The following SYT5 variants were observed in gnomAD, a reference collection of about 807,000 sequenced individuals.
The protein encoded by SYT5 is synaptotagmin 5.
Under a neutral mutation model 36.0 loss-of-function variants are expected in SYT5, and 29 were observed. The observed-to-expected ratio is 0.81, with a 90% CI of 0.60 to 1.10. SYT5 has a LOEUF of 1.10. SYT5 is among the 50% of genes least tolerant of loss of function. SYT5 has a pLI of 0.00. For synonymous variants in SYT5, 231 were observed against 227.6 expected, an observed-to-expected ratio of 1.02 and a Z score of -0.14; for missense variants, 512 against 516.0, an observed-to-expected ratio of 0.99 and a Z score of 0.08.
Position 55,175,349 on chromosome 19 carries a change from A to T in SYT5, c.541-10T>A. The T allele has an allele frequency of 6.6e-7, 1 of 1,522,572 alleles. No homozygotes were observed. Among genetic ancestry groups the T allele is most frequent in the Non-Finnish European group, 8.8e-7 (1 of 1,139,172 alleles). 94.3% of individuals were successfully genotyped at this position (1,522,572 alleles called of 1,614,324 possible). On this transcript the variant is annotated splice_polypyrimidine_tract_variant and intron_variant, in intron 5 of 8. Transcript: ENST00000354308. The surrounding 1 kb of genome is among the most constrained non-coding windows in gnomAD (Gnocchi z 4.5). ...GCTCCACGTAGGGGACCTGGAGTGC[A>T]CAGAGAATCCGCAGTAGAGAGCAGG...
chr19:55,179,236 C>A lies in SYT5; in HGVS notation c.-45-150G>T, dbSNP rs1482030805. 4 of 1,494,264 alleles carry A rather than the reference C, an allele frequency of 2.7e-6. No homozygotes were observed. The South Asian group carries it at 3.9e-5, about 15-fold the overall frequency. 92.6% of individuals were successfully genotyped at this position (1,494,264 alleles called of 1,614,324 possible). ...GAGTTGTAGTATCAGCCTCCCCGCA[C>A]TTGAGAGGGGGTGTCCAGGACCTAG... On this transcript the variant is annotated intron_variant, in intron 1 of 8. Coordinates refer to ENST00000354308, the MANE Select transcript of SYT5 (RefSeq NM_003180.3). The surrounding 1 kb of genome is among the most constrained non-coding windows in gnomAD (Gnocchi z 4.5).
At position 55,179,429 on chromosome 19, in the gene SYT5, G is replaced by A. The variant is rs902389416; in HGVS notation, c.-45-343C>T. On this transcript the variant is annotated intron_variant, in intron 1 of 8. Transcript: ENST00000354308. The surrounding 1 kb of genome is among the most constrained non-coding windows in gnomAD (Gnocchi z 4.5). ...CAACAGCCGGGCTCCTCTCAAGCGG[G>A]GTGAGAGCAAAGCTGGTTGCCCGGG... 2.7e-5 allele frequency: 12 copies of A among 445,198 alleles called. No homozygotes were observed. The South Asian group carries it at 5.5e-4, about 20-fold the overall frequency. The allele number at this position is 445,198 out of a possible 1,614,324, so 27.6% of individuals were successfully genotyped here.
Position 55,175,801 on chromosome 19 carries a change from C to T in SYT5, c.448G>A (p.Val150Ile). The T allele has an allele frequency of 6.2e-7, 1 of 1,614,162 alleles. No individual in the cohort carries two copies. Among genetic ancestry groups the T allele is most frequent in the Non-Finnish European group, 8.5e-7 (1 of 1,180,026 alleles). ...CTCCGTTTGTCCGGCAGCAGGTAGA[C>T]CCGCACATAGGGGTCCGAGGAGCCA... is the stretch of plus-strand genomic sequence containing the variant. ...LGGSSDPYVR[V>I]YLLPDKRRRY... Residue 150 changes from valine (V) to isoleucine (I), a missense_variant, in exon 5 of 9, where the codon GTC becomes ATC. By Grantham distance (29) the Val-to-Ile change is conservative. Coordinates refer to ENST00000354308, the MANE Select transcript of SYT5 (RefSeq NM_003180.3). This position sits in a 1 kb window ranked among gnomAD's most constrained non-coding sequence, Gnocchi z 4.5.
chr19:55,173,332 GACAGGAA>G lies in SYT5; in HGVS notation c.*145_*151del. 1 of 571,202 alleles carries G rather than the reference GACAGGAA, an allele frequency of 1.8e-6. No individual in the cohort carries two copies. Among genetic ancestry groups the G allele is most frequent in the Non-Finnish European group, 2.7e-6 (1 of 376,854 alleles). 35.4% of individuals were successfully genotyped at this position (571,202 alleles called of 1,614,324 possible). ...TGATTGGCATCGTTGGGGGTGAGAA[GACAGGAA>G]TGGTTCAGATGGTTGGGGTGGAAGG... is the stretch of plus-strand genomic sequence containing the variant. On this transcript the variant is annotated 3_prime_UTR_variant, in exon 9 of 9. Transcript: ENST00000354308. This position sits in a 1 kb window ranked among gnomAD's most constrained non-coding sequence, Gnocchi z 5.4.
rs2086024333 is a variant in SYT5 at position 55,173,279 on chromosome 19, G to T, written c.*205C>A. 2 of 442,176 alleles carry T rather than the reference G, an allele frequency of 4.5e-6. No individual in the cohort carries two copies. The highest frequency in any genetic ancestry group is 4.1e-5 in the African/African-American group (2 of 49,058). 27.4% of individuals were successfully genotyped at this position (442,176 alleles called of 1,614,324 possible). On this transcript the variant is annotated 3_prime_UTR_variant, in exon 9 of 9. Coordinates refer to ENST00000354308, the MANE Select transcript of SYT5 (RefSeq NM_003180.3). This position sits in a 1 kb window ranked among gnomAD's most constrained non-coding sequence, Gnocchi z 5.4. ...GGGGCATCTGGGTGTGTCCGCGAGG[G>T]TCGGGGGAGTGTGCTGGAAAGTTGT...
chr19:55,178,133 T>TGG (rs2086097347), intron 3 of SYT5, 63 bp downstream of exon 3: 1 of 1,547,314 alleles, frequency 6.5e-7, no homozygotes, highest in African/African-American at 1.4e-5. Flanking sequence ...TGGGACCAGC[T>TGG]GGGCCATTGA....
Position 55,173,633 on chromosome 19 carries a change from C to A in SYT5, c.1012G>T (p.Glu338Ter). Residue 338 changes from glutamate (E) to a stop codon, truncating the protein, a stop_gained, in exon 9 of 9, where the codon GAG becomes TAG. Coordinates refer to ENST00000354308, the MANE Select transcript of SYT5 (RefSeq NM_003180.3). LOFTEE classifies it low-confidence loss of function (END_TRUNC). This position sits in a 1 kb window ranked among gnomAD's most constrained non-coding sequence, Gnocchi z 5.4. ...VLDYDKLGKN[E>*]AIGRVAVGAA... is the part of the protein sequence containing the mutation. ...CCCACGGCCACCCTCCCGATGGCCT[C>A]GTTCTTGCCCAGCTTGTCGTAGTCC... is the stretch of plus-strand genomic sequence containing the variant. The A allele has an allele frequency of 6.7e-7, 1 of 1,490,388 alleles. No homozygotes were observed. Among genetic ancestry groups the A allele is most frequent in the Non-Finnish European group, 8.9e-7 (1 of 1,121,138 alleles). 92.3% of individuals were successfully genotyped at this position (1,490,388 alleles called of 1,614,324 possible).
intron 3 of SYT5, 34 bp downstream of exon 3, chr19:55,178,162 A>C: frequency 6.3e-7 from 1 of 1,597,532 alleles, no homozygotes; most frequent in Admixed American, 1.7e-5. Context: ...GGGTGCGGGA[A>C]GGGGCCAGGT....
At chr19:55,178,031 T>C (rs2086095922) in intron 3 of SYT5, among the ~76,000 whole-genome samples, 165 bp downstream of exon 3, 1 of 152,200 alleles carries the variant, frequency 6.6e-6, no homozygotes, top group South Asian at 2.1e-4. Context: ...TTCTGTTCCA[T>C]CTCTGGGTCC....
Position 55,179,091 on chromosome 19 carries a change from T to A in SYT5, c.-45-5A>T, listed in dbSNP as rs900112884. Reference sequence around the variant, plus strand: ...CTGCAGAGACACTCAAGCACCCTAGTCCCCCATTCCCACCCCAGACGTCCT... The same window carrying A: ...CTGCAGAGACACTCAAGCACCCTAGACCCCCATTCCCACCCCAGACGTCCT... On this transcript the variant is annotated splice_polypyrimidine_tract_variant and splice_region_variant and intron_variant, in intron 1 of 8. Transcript: ENST00000354308. This position sits in a 1 kb window ranked among gnomAD's most constrained non-coding sequence, Gnocchi z 4.5. 6.4e-7 allele frequency: 1 copy of A among 1,564,504 alleles called. No homozygotes were observed. The highest frequency in any genetic ancestry group is 8.6e-7 in the Non-Finnish European group (1 of 1,157,046).
At chr19:55,174,226 G>C (rs558679485) in intron 8 of SYT5, among the ~76,000 whole-genome samples, 3 of 145,728 alleles carry the variant, frequency 2.1e-5, no homozygotes, top group African/African-American at 7.9e-5. Context: ...TCCTGGTTCC[G>C]CTTGGTGGGG....
In SYT5 at chr19:55,175,858, G is replaced by A; in HGVS notation, c.391C>T (p.Gln131Ter). The change falls in exon 5 of 9, where the codon CAA becomes TAA. Residue 131 changes from glutamine (Q) to a stop codon, truncating the protein, a stop_gained. Coordinates refer to ENST00000354308, the MANE Select transcript of SYT5 (RefSeq NM_003180.3). LOFTEE classifies it high-confidence loss of function. The surrounding 1 kb of genome is among the most constrained non-coding windows in gnomAD (Gnocchi z 4.5). ...TCCAAGGCTGCCAATCCCATTGCTT[G>A]CAGAATGCCCACCAGCAGCTGCAGG... is the stretch of plus-strand genomic sequence containing the variant. ...QSGQLLVGILQAMGLAALDLG... is the reference protein window; with the variant it reads ...QSGQLLVGIL 1.2e-6 allele frequency: 2 copies of A among 1,614,174 alleles called. No individual in the cohort carries two copies. The highest frequency in any genetic ancestry group is 1.7e-6 in the Non-Finnish European group (2 of 1,180,022).
At position 55,173,325 on chromosome 19, in the gene SYT5, G is replaced by T; in HGVS notation, c.*159C>A. ...GTTGTCGTGATTGGCATCGTTGGGG[G>T]TGAGAAGACAGGAATGGTTCAGATG... On this transcript the variant is annotated 3_prime_UTR_variant, in exon 9 of 9. Transcript: ENST00000354308. The surrounding 1 kb of genome is among the most constrained non-coding windows in gnomAD (Gnocchi z 5.4). 2 of 537,014 alleles carry T rather than the reference G, an allele frequency of 3.7e-6. No homozygotes were observed. Among genetic ancestry groups the T allele is most frequent in the Non-Finnish European group, 5.8e-6 (2 of 347,036 alleles). 33.3% of individuals were successfully genotyped at this position (537,014 alleles called of 1,614,324 possible).
intron 7 of SYT5, 106 bp from the exon 8 acceptor site, chr19:55,174,756 T>C: frequency 6.3e-7 from 1 of 1,578,170 alleles, no homozygotes; most frequent in Non-Finnish European, 8.7e-7. Context: ...TATGCCAAAA[T>C]CCATGCCTTC....
intron 2 of SYT5, among the ~76,000 whole-genome samples, chr19:55,178,648 G>A (rs79124458): frequency 6.6e-6 from 1 of 150,720 alleles, no homozygotes; most frequent in South Asian, 2.1e-4. Flanking sequence ...TTTACAAGAA[G>A]CCCTGCTCCT....
rs969759165 is a variant in SYT5, at chr19:55,173,917, C to T, written c.961-233G>A. 2.4e-6 allele frequency: 1 copy of T among 424,782 alleles called. No individual in the cohort carries two copies. 26.3% of individuals were successfully genotyped at this position (424,782 alleles called of 1,614,324 possible). A position where few individuals can be genotyped will look rare whatever the true frequency, so the allele number is the denominator to read the frequency against. On this transcript the variant is annotated intron_variant, in intron 8 of 8. Coordinates refer to ENST00000354308, the MANE Select transcript of SYT5 (RefSeq NM_003180.3). This position sits in a 1 kb window ranked among gnomAD's most constrained non-coding sequence, Gnocchi z 5.4. ...CCAGGTTTCTAAGGAAATGAACCCT[C>T]AGGACTCGGTTGCGGAGCGGGTGTG...
At position 55,175,608 on chromosome 19, in the gene SYT5, G is replaced by A; in HGVS notation, c.540+101C>T. 6.8e-7 allele frequency: 1 copy of A among 1,470,736 alleles called. No individual in the cohort carries two copies. 91.1% of individuals were successfully genotyped at this position (1,470,736 alleles called of 1,614,324 possible). A position where few individuals can be genotyped will look rare whatever the true frequency, so the allele number is the denominator to read the frequency against. On this transcript the variant is annotated intron_variant, in intron 5 of 8. Coordinates refer to ENST00000354308, the MANE Select transcript of SYT5 (RefSeq NM_003180.3). This position sits in a 1 kb window ranked among gnomAD's most constrained non-coding sequence, Gnocchi z 4.5. ...GCCCCAGAGCTGGTAGCTGCCACCT[G>A]AGCTGTGGCCGCCTCCAGGAAAAGC...
Position 55,173,811 on chromosome 19 carries a change from C to G in SYT5, c.961-127G>C. On this transcript the variant is annotated intron_variant, in intron 8 of 8. Coordinates refer to ENST00000354308, the MANE Select transcript of SYT5 (RefSeq NM_003180.3). This position sits in a 1 kb window ranked among gnomAD's most constrained non-coding sequence, Gnocchi z 5.4. ...CCCGAGGGCTCGGGGCCCCGGAGCT[C>G]GGGACGGGGGAGGGGGTGGGAGACG... The G allele has an allele frequency of 1.0e-6, 1 of 992,648 alleles. No homozygotes were observed. Among genetic ancestry groups the G allele is most frequent in the Non-Finnish European group, 1.3e-6 (1 of 749,668 alleles). 61.5% of individuals were successfully genotyped at this position (992,648 alleles called of 1,614,324 possible).
chr19:55,177,935 T>C (rs2086094804), intron 3 of SYT5, among the ~76,000 whole-genome samples: 1 of 152,240 alleles, frequency 6.6e-6, no homozygotes, highest in South Asian at 2.1e-4. Flanking sequence ...CCCTGTAGTA[T>C]GGCACATATT....
Sources: gnomAD v4.1 joint callset for allele counts (sites outside exome capture counted in the v4.1 genomes callset) on GRCh38, gnomAD v4.1.1 for gene constraint, Gnocchi (gnomAD v3.1) non-coding constraint, MANE v1.5 for transcripts, NCBI Gene and HGNC (gene_info 2026-07-23, HGNC 2026-07-21) for gene names.